Variants in CNTN1 observed in about 807,000 individuals in gnomAD.
The protein encoded by CNTN1 is contactin 1.
In CNTN1, 38 loss-of-function variants were observed where a neutral mutation model predicts 126.4. The observed-to-expected ratio is 0.30, with a 90% CI of 0.23 to 0.39. CNTN1 has a LOEUF of 0.39. Ranked by LOEUF, CNTN1 falls within the 10% of genes least tolerant of loss-of-function variation. CNTN1 has a pLI of 1.00. For synonymous variants in CNTN1, 413 were observed against 422.6 expected, an observed-to-expected ratio of 0.98 and a Z score of 0.28; for missense variants, 1,009 against 1,248.4, an observed-to-expected ratio of 0.81 and a Z score of 2.89.
At chr12:40,990,907 A>T (rs570794730) in intron 16 of CNTN1, among the ~76,000 whole-genome samples, 2 of 152,312 alleles carry the variant, frequency 1.3e-5, no homozygotes, top group Admixed American at 1.3e-4. Context: ...GCAGGGGAGC[A>T]GGTCAGACTG....
chr12:40,798,096 G>A (rs569571985), intron 1 of CNTN1, among the ~76,000 whole-genome samples: 1 of 151,944 alleles, frequency 6.6e-6, no homozygotes, highest in Non-Finnish European at 1.5e-5. Flanking sequence ...TAGAGTGGAT[G>A]AAAATATCTA....
chr12:40,987,790 A>AT (rs1468043539), intron 16 of CNTN1, among the ~76,000 whole-genome samples: 2 of 152,170 alleles, frequency 1.3e-5, no homozygotes, highest in Non-Finnish European at 2.9e-5. Flanking sequence ...CATGAGCTGT[A>AT]TTATATAATC....
chr12:40,802,870 A>G (rs1215184684), intron 1 of CNTN1, among the ~76,000 whole-genome samples: 2 of 152,054 alleles, frequency 1.3e-5, no homozygotes, highest in Non-Finnish European at 2.9e-5. Flanking sequence ...AACTGTTGCC[A>G]TGAACTTTGC....
chr12:41,048,386 C>T (rs1055503185), intron 23 of CNTN1, among the ~76,000 whole-genome samples: 10 of 152,104 alleles, frequency 6.6e-5, no homozygotes, highest in Admixed American at 5.9e-4. Context: ...AATGACCTTG[C>T]TTCCTATTTC....
chr12:41,046,293 A>G lies in CNTN1; in HGVS notation c.2980+17074A>G, dbSNP rs190828040. Among the ~76,000 whole-genome samples, 528 of 152,256 alleles carry G rather than the reference A, an allele frequency of 3.5e-3. 2 individuals are homozygous for G. The highest frequency in any genetic ancestry group is 0.012 in the African/African-American group (490 of 41,552). ...TGAAACTTGGATGGTAAAAAATTAC[A>G]TTATAATTTTCATGAATTTCTAACT... is the stretch of plus-strand genomic sequence containing the variant. On this transcript the variant is annotated intron_variant, in intron 23 of 23. Transcript: ENST00000551295.
At chr12:40,984,556 G>C (rs1419810329) in intron 16 of CNTN1, among the ~76,000 whole-genome samples, 2 of 152,114 alleles carry the variant, frequency 1.3e-5, no homozygotes, top group Non-Finnish European at 2.9e-5. Context: ...TCTTGCATGA[G>C]CTAATAAAGC....
At chr12:40,851,138 C>T (rs1004375499) in intron 1 of CNTN1, among the ~76,000 whole-genome samples, 1 of 152,100 alleles carries the variant, frequency 6.6e-6, no homozygotes, top group Non-Finnish European at 1.5e-5. Context: ...TTTGAGTAGA[C>T]TTCTGATAGT....
At chr12:40,694,281 G>C (rs1941389493) in intron 1 of CNTN1, among the ~76,000 whole-genome samples, 1 of 152,142 alleles carries the variant, frequency 6.6e-6, no homozygotes, top group South Asian at 2.1e-4. Context: ...ATTTAAATTT[G>C]TACTGCTTTT....
chr12:41,031,250 T>G (rs961329253), intron 23 of CNTN1, among the ~76,000 whole-genome samples: 1 of 152,236 alleles, frequency 6.6e-6, no homozygotes, highest in Non-Finnish European at 1.5e-5. Context: ...CTGTTTATAA[T>G]GTTTGCCTGT....
In CNTN1 at chr12:40,890,629, T is replaced by G. The variant is rs150846311; in HGVS notation, c.-76-17728T>G. ...ATATAGTCTTTTCATATTGAATTCT[T>G]TCACTTAGTAATATGCATTTAAGTT... is the stretch of plus-strand genomic sequence containing the variant. On this transcript the variant is annotated intron_variant, in intron 1 of 23. Coordinates refer to ENST00000551295, the MANE Select transcript of CNTN1 (RefSeq NM_001843.4). Among the ~76,000 whole-genome samples, 694 of 152,288 alleles carry G rather than the reference T, an allele frequency of 4.6e-3. 6 individuals carry two copies. The highest frequency in any genetic ancestry group is 0.012 in the African/African-American group (515 of 41,562).
intron 23 of CNTN1, among the ~76,000 whole-genome samples, chr12:41,067,193 T>A (rs1340931638): frequency 6.6e-6 from 1 of 152,198 alleles, no homozygotes; most frequent in Non-Finnish European, 1.5e-5. Flanking sequence ...TTACATAAGC[T>A]TGAGCCATTA....
chr12:40,967,253 C>A lies in CNTN1; in HGVS notation c.1804+8019C>A, dbSNP rs563910669. ...ATCCCAGCACTTTGGGAGGCCAAGGCGGGTGGATCAGGAGGTCAGGAGTTC... is the reference window on the plus strand; with the variant it reads ...ATCCCAGCACTTTGGGAGGCCAAGGAGGGTGGATCAGGAGGTCAGGAGTTC... On this transcript the variant is annotated intron_variant, in intron 15 of 23. Transcript: ENST00000551295. Among the ~76,000 whole-genome samples the A allele has an allele frequency of 5.3e-5, 8 of 151,904 alleles. No individual in the cohort carries two copies. In the East Asian group the frequency reaches 1.5e-3, roughly 29 times the overall value.
intron 3 of CNTN1, among the ~76,000 whole-genome samples, chr12:40,916,191 T>G (rs1945237103): frequency 6.6e-6 from 1 of 152,150 alleles, no homozygotes; most frequent in African/African-American, 2.4e-5. Flanking sequence ...AGGATTATAG[T>G]GGGAATAGAA....
At chr12:40,869,601 T>C (rs1943418702) in intron 1 of CNTN1, among the ~76,000 whole-genome samples, 1 of 152,118 alleles carries the variant, frequency 6.6e-6, no homozygotes, top group Admixed American at 6.6e-5. Flanking sequence ...TATATTATTA[T>C]AGTCAATTCA....
intron 1 of CNTN1, among the ~76,000 whole-genome samples, chr12:40,906,005 A>G (rs1447591593): frequency 1.3e-5 from 2 of 152,182 alleles, no homozygotes; most frequent in African/African-American, 4.8e-5. Flanking sequence ...GCCGGGTGCA[A>G]TGGCTCACGC....
At chr12:41,049,374 CTT>C (rs891782367) in intron 23 of CNTN1, among the ~76,000 whole-genome samples, 12 of 152,208 alleles carry the variant, frequency 7.9e-5, no homozygotes, top group African/African-American at 2.9e-4. Flanking sequence ...CCCCATCTCC[CTT>C]TGTTTGCTTT....
intron 1 of CNTN1, among the ~76,000 whole-genome samples, chr12:40,696,396 C>T (rs933802809): frequency 6.6e-6 from 1 of 152,128 alleles, no homozygotes; most frequent in African/African-American, 2.4e-5. Context: ...CTGCTTATTC[C>T]AGCACTAGTT....
At chr12:40,853,940 G>A (rs312273) in intron 1 of CNTN1, among the ~76,000 whole-genome samples, 84,100 of 150,186 alleles carry the variant, frequency 0.56, 25,152 homozygotes, top group African/African-American at 0.8. Context: ...TACCTGCCTC[G>A]GAATGAAGCT....
intron 16 of CNTN1, among the ~76,000 whole-genome samples, chr12:40,987,432 C>T (rs1249041636): frequency 6.6e-6 from 1 of 152,146 alleles, no homozygotes; most frequent in Admixed American, 6.6e-5. Flanking sequence ...GTACAAGATG[C>T]TCAGGTCGTT....
Sources: gnomAD v4.1 joint callset for allele counts (sites outside exome capture counted in the v4.1 genomes callset) on GRCh38, gnomAD v4.1.1 for gene constraint, MANE v1.5 for transcripts, NCBI Gene and HGNC (gene_info 2026-07-23, HGNC 2026-07-21) for gene names.